CACNA1E: variants seen among roughly 807,000 people sequenced by gnomAD.
CACNA1E encodes the protein calcium voltage-gated channel subunit alpha1 E.
Under a neutral mutation model 259.2 loss-of-function variants are expected in CACNA1E, and 40 were observed. That is an observed-to-expected ratio of 0.15 (90% CI 0.12 to 0.20). The LOEUF is 0.20. Ranked by LOEUF, CACNA1E falls within the 10% of genes least tolerant of loss-of-function variation. CACNA1E has a pLI of 1.00. For missense variants in CACNA1E, 1,874 were observed against 3,040.1 expected, an observed-to-expected ratio of 0.62 and a Z score of 9.02; for synonymous variants, 1,104 against 1,138.5, an observed-to-expected ratio of 0.97 and a Z score of 0.61.
intron 1 of CACNA1E, 83 bp from the exon 2 acceptor site, chr1:181,510,394 T>G (rs760707475): frequency 8.0e-5 from 69 of 865,392 alleles, no homozygotes; most frequent in Non-Finnish European, 1.2e-4. Context: ...TGCGGGTTGA[T>G]AGAGTTGTGT....
intron 27 of CACNA1E, among the ~76,000 whole-genome samples, chr1:181,753,335 G>A (rs1457831168): frequency 6.6e-6 from 1 of 152,324 alleles, no homozygotes; most frequent in Non-Finnish European, 1.5e-5. Flanking sequence ...GAGGGGCTTG[G>A]AGTGCGCCTC....
intron 8 of CACNA1E, among the ~76,000 whole-genome samples, chr1:181,713,923 C>A (rs73043465): frequency 0.015 from 2,218 of 152,214 alleles, 46 homozygotes; most frequent in African/African-American, 0.047. Context: ...CCTGGGGACA[C>A]CAAGTGGGAA....
intron 3 of CACNA1E, among the ~76,000 whole-genome samples, chr1:181,574,719 C>T (rs1306280717): frequency 1.3e-5 from 2 of 152,074 alleles, no homozygotes; most frequent in Non-Finnish European, 2.9e-5. Context: ...CCTTTATTGT[C>T]TTTTTCCTCT....
chr1:181,494,259 C>A (rs1488857197), intron 1 of CACNA1E, among the ~76,000 whole-genome samples: 1 of 151,474 alleles, frequency 6.6e-6, no homozygotes, highest in East Asian at 1.9e-4. Flanking sequence ...TAAGGCAATG[C>A]TTATTAACAT....
chr1:181,355,080 A>T (rs1428416740), intron 1 of CACNA1E, among the ~76,000 whole-genome samples: 2 of 152,142 alleles, frequency 1.3e-5, no homozygotes, highest in Admixed American at 1.3e-4. Flanking sequence ...ATACACATAA[A>T]ATAGTCCCTG....
chr1:181,536,680 C>T (rs1223795347), intron 3 of CACNA1E, among the ~76,000 whole-genome samples: 1 of 152,096 alleles, frequency 6.6e-6, no homozygotes, highest in African/African-American at 2.4e-5. Flanking sequence ...AGGAGAATAC[C>T]TATGAAGCTA....
intron 3 of CACNA1E, among the ~76,000 whole-genome samples, chr1:181,553,186 G>A (rs1360559243): frequency 6.6e-6 from 1 of 152,142 alleles, no homozygotes; most frequent in Admixed American, 6.5e-5. Context: ...TTGAGCAGTG[G>A]TTTGTAGTTC....
At chr1:181,529,370 C>G (rs952121401) in intron 3 of CACNA1E, among the ~76,000 whole-genome samples, 1 of 152,248 alleles carries the variant, frequency 6.6e-6, no homozygotes, top group Non-Finnish European at 1.5e-5. Context: ...CATGGAGAAC[C>G]TCTGCTAGGG....
chr1:181,400,877 A>G (rs553887829), intron 1 of CACNA1E, among the ~76,000 whole-genome samples: 1 of 152,178 alleles, frequency 6.6e-6, no homozygotes, highest in African/African-American at 2.4e-5. Flanking sequence ...ATGGCTTCCA[A>G]CTGGTCTCCC....
At chr1:181,401,042 A>G (rs988744694) in intron 1 of CACNA1E, among the ~76,000 whole-genome samples, 1 of 152,178 alleles carries the variant, frequency 6.6e-6, no homozygotes, top group African/African-American at 2.4e-5. Context: ...CGCCGATATC[A>G]TCTGCTGCTA....
At chr1:181,727,924 C>T (rs937438008) in intron 18 of CACNA1E, among the ~76,000 whole-genome samples, 2 of 152,096 alleles carry the variant, frequency 1.3e-5, no homozygotes, top group African/African-American at 2.4e-5. Context: ...TGTGTTGAAG[C>T]GGGGGACCTC....
intron 6 of CACNA1E, among the ~76,000 whole-genome samples, chr1:181,632,733 C>G (rs1656860709): frequency 2.0e-5 from 3 of 148,240 alleles, no homozygotes; most frequent in African/African-American, 7.7e-5. Context: ...GAAATTTGTA[C>G]CCCCTGGACC....
At chr1:181,404,375 C>T (rs1657319410) in intron 1 of CACNA1E, among the ~76,000 whole-genome samples, 1 of 152,154 alleles carries the variant, frequency 6.6e-6, no homozygotes, top group Non-Finnish European at 1.5e-5. Context: ...CCTGGAATTG[C>T]CAACATCGTG....
At chr1:181,383,079 T>C (rs920940140) in intron 1 of CACNA1E, among the ~76,000 whole-genome samples, 12 of 152,220 alleles carry the variant, frequency 7.9e-5, no homozygotes, top group Non-Finnish European at 1.5e-4. Context: ...GTCCATATTG[T>C]AATGTGTTCT....
intron 1 of CACNA1E, among the ~76,000 whole-genome samples, chr1:181,484,999 C>A (rs1663662546): frequency 6.6e-6 from 1 of 152,226 alleles, no homozygotes; most frequent in Admixed American, 6.5e-5. Context: ...TTAGGCAGCT[C>A]ACTGCCTTGT....
intron 7 of CACNA1E, among the ~76,000 whole-genome samples, chr1:181,659,886 T>A (rs1430812315): frequency 6.6e-6 from 1 of 152,324 alleles, no homozygotes; most frequent in South Asian, 2.1e-4. Context: ...CTTATTTTAG[T>A]GTACACTACG....
intron 1 of CACNA1E, among the ~76,000 whole-genome samples, chr1:181,360,567 G>A (rs1653791122): frequency 6.6e-6 from 1 of 152,142 alleles, no homozygotes; most frequent in Admixed American, 6.5e-5. Flanking sequence ...AGAGACTAGG[G>A]GTGGGGGAGA....
upstream of CACNA1E, among the ~76,000 whole-genome samples, chr1:181,482,543 C>T (rs1178953478): frequency 5.9e-5 from 9 of 152,268 alleles, no homozygotes; most frequent in African/African-American, 1.9e-4. Flanking sequence ...CTCCAGCCTT[C>T]CGGCTGCGTC....
At chr1:181,411,902 G>A (rs1296084624) in intron 1 of CACNA1E, among the ~76,000 whole-genome samples, 3 of 152,234 alleles carry the variant, frequency 2.0e-5, no homozygotes, top group African/African-American at 7.2e-5. Context: ...GAGCCACTGC[G>A]CCCAGCCAGG....
Sources: allele counts gnomAD v4.1 joint callset (sites outside exome capture counted in the v4.1 genomes callset), GRCh38; gene constraint gnomAD v4.1.1; transcripts MANE v1.5; gene names NCBI Gene and HGNC (gene_info 2026-07-23, HGNC 2026-07-21).